PCDHA3: variants seen among roughly 807,000 people sequenced by gnomAD.
The protein encoded by PCDHA3 is protocadherin alpha 3, also known as protocadherin alpha-3.
A neutral mutation model predicts 62.2 loss-of-function variants in PCDHA3; 41 were observed. That is an observed-to-expected ratio of 0.66 (90% CI 0.51 to 0.86). The LOEUF is 0.86. Among genes scored for constraint, PCDHA3 ranks in the 40% least tolerant of loss-of-function variants. PCDHA3 has a pLI of 0.00. For synonymous variants in PCDHA3, 640 were observed against 555.4 expected (o/e 1.15, Z -2.14); for missense variants, 1,304 against 1,241.2 (o/e 1.05, Z -0.76).
In PCDHA3 at chr5:140,842,523, T is replaced by A. The variant is rs201459051; in HGVS notation, c.2394+38932T>A. The A allele has an allele frequency of 5.0e-5, 81 of 1,613,306 alleles. 4 individuals are homozygous for A. Among genetic ancestry groups the A allele is most frequent in the Non-Finnish European group, 3.3e-5 (39 of 1,179,452 alleles). ...GTCCCCTTCAAGCTGGTGTCCACCT[T>A]CAAGAATTACTACTCGTTGGTGCTG... On this transcript the variant is annotated intron_variant, in intron 1 of 3. Coordinates refer to ENST00000522353, the MANE Select transcript of PCDHA3 (RefSeq NM_018906.3).
intron 1 of PCDHA3, chr5:140,862,866 GC>G (rs11321479): frequency 0.66 from 374,898 of 571,004 alleles, 123,608 homozygotes; most frequent in Middle Eastern, 0.71. Context: ...ATGTGACGCT[GC>G]CAGGTATTAG....
chr5:140,896,782 T>C (rs2065751809), intron 1 of PCDHA3, among the ~76,000 whole-genome samples: 1 of 152,206 alleles, frequency 6.6e-6, no homozygotes, highest in African/African-American at 2.4e-5. Context: ...AGTTTGCTGA[T>C]ATTTTCTCCC....
chr5:140,854,977 TAA>T (rs1490138607), intron 1 of PCDHA3, among the ~76,000 whole-genome samples: 1 of 149,962 alleles, frequency 6.7e-6, no homozygotes, highest in Non-Finnish European at 1.5e-5. Flanking sequence ...GAATTATAAT[TAA>T]GATTCTTTTT....
intron 1 of PCDHA3, among the ~76,000 whole-genome samples, chr5:140,914,270 ATATATT>A (rs1554196274): frequency 6.6e-6 from 1 of 152,146 alleles, no homozygotes; most frequent in Non-Finnish European, 1.5e-5. Context: ...GTGGGTGCAT[ATATATT>A]TATAATTGTT....
chr5:140,888,533 T>C (rs2061866119), intron 1 of PCDHA3, among the ~76,000 whole-genome samples: 1 of 152,228 alleles, frequency 6.6e-6, no homozygotes, highest in South Asian at 2.1e-4. Flanking sequence ...TGAAGTTAAG[T>C]TGCTCAGTAC....
rs79307553 is a variant in PCDHA3, at chr5:140,974,500, T to G, written c.2395-4449T>G. ...ACCCAGAATTCTCAAATGTATTACC[T>G]TTGTGTTTTATTTTATTTTAGTTTT... is the stretch of plus-strand genomic sequence containing the variant. On this transcript the variant is annotated intron_variant, in intron 1 of 3. Transcript: ENST00000522353. 8.7e-3 allele frequency among the ~76,000 whole-genome samples: 1,326 copies of G among 152,308 alleles called. 23 individuals carry two copies. Among genetic ancestry groups the G allele is most frequent in the African/African-American group, 0.03 (1,239 of 41,564 alleles).
chr5:140,892,461 G>A lies in PCDHA3; in HGVS notation c.2395-86488G>A, dbSNP rs187904355. On this transcript the variant is annotated intron_variant, in intron 1 of 3. Coordinates refer to ENST00000522353, the MANE Select transcript of PCDHA3 (RefSeq NM_018906.3). ...AAATTTACATGTATTCTTTAAGTAC[G>A]GTTATTCAGTTTCCTAGCCAAACAT... 2.1e-3 allele frequency among the ~76,000 whole-genome samples: 317 copies of A among 152,150 alleles called. 1 individual carries two copies. Among genetic ancestry groups the A allele is most frequent in the Non-Finnish European group, 3.5e-3 (237 of 68,004 alleles).
Position 140,852,435 on chromosome 5 carries a change from G to A in PCDHA3, c.2394+48844G>A, listed in dbSNP as rs2150516888. ...TGGGATTATAGGCACATGCCACCGC[G>A]CCCAGCTAATTTTTGTATTTTTAGT... On this transcript the variant is annotated intron_variant, in intron 1 of 3. Coordinates refer to ENST00000522353, the MANE Select transcript of PCDHA3 (RefSeq NM_018906.3). 3.0e-4 allele frequency: 55 copies of A among 181,308 alleles called. 4 individuals carry two copies. Among genetic ancestry groups the A allele is most frequent in the African/African-American group, 1.1e-3 (44 of 41,148 alleles). 11.2% of individuals were successfully genotyped at this position (181,308 alleles called of 1,614,324 possible).
intron 1 of PCDHA3, chr5:140,829,534 C>T (rs550072556): frequency 6.2e-7 from 1 of 1,613,076 alleles, no homozygotes; most frequent in Non-Finnish European, 8.5e-7. Context: ...CTGCGCGAGA[C>T]GCGGACGCGC....
At chr5:140,989,598 T>C (rs369591964) in intron 3 of PCDHA3, among the ~76,000 whole-genome samples, 431 of 152,260 alleles carry the variant, frequency 2.8e-3, no homozygotes, top group Middle Eastern at 6.8e-3. Flanking sequence ...CTGACACAAG[T>C]AAACTAAAAA....
At chr5:140,931,269 C>T (rs1253190149) in intron 1 of PCDHA3, among the ~76,000 whole-genome samples, 1 of 152,006 alleles carries the variant, frequency 6.6e-6, no homozygotes, top group Non-Finnish European at 1.5e-5. Context: ...CTATTTATTT[C>T]TTTTATTTTC....
chr5:140,841,236 G>A (rs1171503163), intron 1 of PCDHA3: 2 of 1,481,194 alleles, frequency 1.4e-6, no homozygotes, highest in East Asian at 2.3e-5. Flanking sequence ...GGGAGATGCA[G>A]CGGAATTGGA....
intron 1 of PCDHA3, chr5:140,809,033 G>A (rs1764340352): frequency 4.3e-6 from 7 of 1,613,716 alleles, no homozygotes; most frequent in African/African-American, 4.0e-5. Context: ...GCCGGGGACT[G>A]GTGGCGCGCG....
intron 1 of PCDHA3, among the ~76,000 whole-genome samples, chr5:140,844,016 T>G (rs1779187078): frequency 6.7e-6 from 1 of 149,762 alleles, no homozygotes; most frequent in Non-Finnish European, 1.5e-5. Flanking sequence ...CTAAGGACGT[T>G]CAGGGCATTT....
chr5:140,808,795 C>T (rs1554124792), intron 1 of PCDHA3: 3 of 1,612,472 alleles, frequency 1.9e-6, no homozygotes, highest in Non-Finnish European at 8.5e-7. Flanking sequence ...TTCAGGTGAC[C>T]GCTCGCGATG....
chr5:140,809,492 C>T, intron 1 of PCDHA3: 1 of 1,614,240 alleles, frequency 6.2e-7, no homozygotes, highest in Non-Finnish European at 8.5e-7. Context: ...CAAGACCGAC[C>T]TCATGGCCTT....
chr5:140,881,695 T>G (rs576802700), intron 1 of PCDHA3, among the ~76,000 whole-genome samples: 1 of 152,318 alleles, frequency 6.6e-6, no homozygotes, highest in East Asian at 1.9e-4. Flanking sequence ...CCTTTTGGAG[T>G]CAATGGCTGT....
chr5:140,823,179 G>T (rs17844294), intron 1 of PCDHA3: 1 of 1,613,914 alleles, frequency 6.2e-7, no homozygotes, highest in Non-Finnish European at 8.5e-7. Context: ...AGAACAACCC[G>T]CCAGGCTGCC....
At chr5:140,845,981 G>A (rs1025810525) in intron 1 of PCDHA3, among the ~76,000 whole-genome samples, 13 of 149,478 alleles carry the variant, frequency 8.7e-5, no homozygotes, top group Non-Finnish European at 1.9e-4. Context: ...TCAATATTTT[G>A]AATGTTGTGT....
Sources: gnomAD v4.1 joint callset for allele counts (sites outside exome capture counted in the v4.1 genomes callset) on GRCh38, gnomAD v4.1.1 for gene constraint, MANE v1.5 for transcripts, NCBI Gene and HGNC (gene_info 2026-07-23, HGNC 2026-07-21) for gene names.